Variants in TMEM170A observed in about 807,000 individuals in gnomAD.
TMEM170A encodes transmembrane protein 170A, also known as transmembrane protein 170.
In TMEM170A, 18 loss-of-function variants were observed where a neutral mutation model predicts 12.8. The observed-to-expected ratio is 1.41, with a 90% CI of 0.97 to 2.09. The LOEUF is 2.09. TMEM170A is among the 30% of genes most tolerant of loss of function. TMEM170A has a pLI of 0.00. For missense variants in TMEM170A, 220 were observed against 179.9 expected (o/e 1.22, Z -1.28); for synonymous variants, 107 against 76.2 (o/e 1.40, Z -2.11).
chr16:75,456,432 T>A (rs951070378), intron 1 of TMEM170A, among the ~76,000 whole-genome samples: 21 of 152,060 alleles, frequency 1.4e-4, no homozygotes, highest in Non-Finnish European at 2.6e-4. Context: ...CCAAAAAATA[T>A]AAAAATTAGC....
At chr16:75,451,625 G>T in intron 2 of TMEM170A, 44 bp downstream of exon 2, 1 of 1,598,942 alleles carries the variant, frequency 6.3e-7, no homozygotes, top group African/African-American at 1.3e-5. Flanking sequence ...AAATTGACTA[G>T]TCATATTAAA....
At chr16:75,461,902 G>A (rs1308774341) in intron 1 of TMEM170A, among the ~76,000 whole-genome samples, 1 of 152,148 alleles carries the variant, frequency 6.6e-6, no homozygotes, top group Non-Finnish European at 1.5e-5. Flanking sequence ...AATTCACATG[G>A]CTACAGATTA....
intron 1 of TMEM170A, among the ~76,000 whole-genome samples, chr16:75,459,599 G>C (rs2079865370): frequency 6.6e-6 from 1 of 152,118 alleles, no homozygotes; most frequent in African/African-American, 2.4e-5. Flanking sequence ...GCTGACACCT[G>C]TAATCCCAGC....
chr16:75,449,850 C>T (rs1055488668), intron 2 of TMEM170A, among the ~76,000 whole-genome samples: 1 of 152,058 alleles, frequency 6.6e-6, no homozygotes, highest in Admixed American at 6.6e-5. Flanking sequence ...GGAACTTGAA[C>T]TGGGCCCTAA....
intron 1 of TMEM170A, chr16:75,452,655 G>C (rs745942539): frequency 6.6e-6 from 1 of 152,130 alleles, no homozygotes. Context: ...GCCCAGGCTG[G>C]TCTTGAATGC....
chr16:75,463,889 C>T (rs902275732), intron 1 of TMEM170A, among the ~76,000 whole-genome samples: 3 of 152,214 alleles, frequency 2.0e-5, no homozygotes, highest in African/African-American at 7.2e-5. Flanking sequence ...GTGGGAGACC[C>T]AGCAACAGGT....
chr16:75,461,323 G>C (rs552289689), intron 1 of TMEM170A, among the ~76,000 whole-genome samples: 1 of 152,124 alleles, frequency 6.6e-6, no homozygotes, highest in African/African-American at 2.4e-5. Flanking sequence ...CAAAGTGCTG[G>C]GATTACAGGC....
intron 1 of TMEM170A, among the ~76,000 whole-genome samples, chr16:75,461,878 T>C (rs2079914817): frequency 6.6e-6 from 1 of 152,228 alleles, no homozygotes; most frequent in Non-Finnish European, 1.5e-5. Context: ...AGAAAAAAGT[T>C]CTGAAAGTAA....
In TMEM170A at chr16:75,443,303, ATAAAATT is replaced by A. The variant is rs2079532086; in HGVS notation, c.*4248_*4254del. 6.6e-6 allele frequency: 1 copy of A among 152,250 alleles called. No individual in the cohort carries two copies. The highest frequency in any genetic ancestry group is 2.4e-5 in the African/African-American group (1 of 41,472). 9.4% of individuals were successfully genotyped at this position (152,250 alleles called of 1,614,324 possible). On this transcript the variant is annotated 3_prime_UTR_variant, in exon 3 of 3. Coordinates refer to ENST00000561878, the MANE Select transcript of TMEM170A (RefSeq NM_145254.3). Reference sequence around the variant, plus strand: ...TAGAATTAGAAATGTCAGTAGAAAAATAAAATTTAAATAATTTTCTATTGTACAAAGA... The same window carrying A: ...TAGAATTAGAAATGTCAGTAGAAAAATAAATAATTTTCTATTGTACAAAGA...
chr16:75,464,236 G>C (rs1025858077), intron 1 of TMEM170A: 2 of 1,502,824 alleles, frequency 1.3e-6, no homozygotes, highest in Non-Finnish European at 1.8e-6. Flanking sequence ...GCCCACCTGC[G>C]GCCGCTCTCT....
intron 1 of TMEM170A, chr16:75,464,225 G>A (rs1210702214): frequency 6.6e-7 from 1 of 1,504,034 alleles, no homozygotes; most frequent in Non-Finnish European, 8.8e-7. Context: ...TCCAGCCCCG[G>A]GCCCACCTGC....
At chr16:75,455,574 A>G (rs1202253885) in intron 1 of TMEM170A, among the ~76,000 whole-genome samples, 1 of 152,058 alleles carries the variant, frequency 6.6e-6, no homozygotes, top group East Asian at 1.9e-4. Context: ...TCGTGCCTGT[A>G]ATCCCACCAC....
chr16:75,456,172 T>C (rs771196732), intron 1 of TMEM170A, among the ~76,000 whole-genome samples: 1 of 152,136 alleles, frequency 6.6e-6, no homozygotes, highest in Non-Finnish European at 1.5e-5. Flanking sequence ...TTTGAGTTAA[T>C]AAAGCTTCAA....
In TMEM170A at chr16:75,464,441, AGTGC is replaced by A. The variant is rs761675595; in HGVS notation, c.133+23_133+26del. On this transcript the variant is annotated intron_variant, in intron 1 of 2. Coordinates refer to ENST00000561878, the MANE Select transcript of TMEM170A (RefSeq NM_145254.3). ...CGGCAGCGGCGACGGCGGGGCGCGC[AGTGC>A]GCAGGCGCGGGGCGGGCCGTACCTG... The A allele has an allele frequency of 4.0e-5, 57 of 1,417,512 alleles. 1 individual carries two copies. The South Asian group carries it at 7.7e-4, about 19-fold the overall frequency. 87.8% of individuals were successfully genotyped at this position (1,417,512 alleles called of 1,614,324 possible).
chr16:75,443,325 T>C lies in TMEM170A; in HGVS notation c.*4233A>G, dbSNP rs1464188991. On this transcript the variant is annotated 3_prime_UTR_variant, in exon 3 of 3. Transcript: ENST00000561878. ...AAAATAAAATTTAAATAATTTTCTA[T>C]TGTACAAAGATTTGATCATTTTGAC... 1 of 152,236 alleles carries C rather than the reference T, an allele frequency of 6.6e-6. No individual in the cohort carries two copies. Among genetic ancestry groups the C allele is most frequent in the African/African-American group, 2.4e-5 (1 of 41,460 alleles). The allele number at this position is 152,236 out of a possible 1,614,324, so 9.4% of individuals were successfully genotyped here.
At chr16:75,464,718 T>A (rs2079968417), upstream of TMEM170A, 1 of 1,368,034 alleles carries the variant, frequency 7.3e-7, no homozygotes, top group Admixed American at 3.4e-5. Context: ...CTTCCCCCAA[T>A]CCCAACGGCG....
At chr16:75,461,634 C>A (rs1378308464) in intron 1 of TMEM170A, among the ~76,000 whole-genome samples, 1 of 152,030 alleles carries the variant, frequency 6.6e-6, no homozygotes, top group Non-Finnish European at 1.5e-5. Flanking sequence ...TTTATTACAC[C>A]CATTATTCCT....
chr16:75,447,815 A>T (rs2079614555), intron 2 of TMEM170A, 127 bp from the exon 3 acceptor site: 1 of 1,141,850 alleles, frequency 8.8e-7, no homozygotes. Flanking sequence ...TTTAAATCTT[A>T]CAGAAATGTT....
intron 1 of TMEM170A, chr16:75,458,341 G>A (rs1258236378): frequency 6.6e-6 from 1 of 152,200 alleles, no homozygotes; most frequent in Non-Finnish European, 1.5e-5. Context: ...CAAAACCTGT[G>A]AACAGATTAA....
Sources: gnomAD v4.1 joint callset for allele counts (sites outside exome capture counted in the v4.1 genomes callset) on GRCh38, gnomAD v4.1.1 for gene constraint, MANE v1.5 for transcripts, NCBI Gene and HGNC (gene_info 2026-07-23, HGNC 2026-07-21) for gene names.